Variants in ATP10B observed in about 807,000 individuals in gnomAD.
ATP10B encodes phospholipid-transporting ATPase VB.
In ATP10B, 122 loss-of-function variants were observed where a neutral mutation model predicts 141.2. The ratio of observed to expected loss-of-function variants is 0.86; its 90% CI spans 0.75 to 1.00. ATP10B has a LOEUF of 1.00. Among genes scored for constraint, ATP10B ranks in the 50% least tolerant of loss-of-function variants. The probability of loss-of-function intolerance (pLI) is 0.00; values close to 1 mark genes in which losing one functional copy is unlikely to be tolerated. For missense variants in ATP10B, 1,876 were observed against 1,825.3 expected, an observed-to-expected ratio of 1.03 and a Z score of -0.51; for synonymous variants, 685 against 692.0, an observed-to-expected ratio of 0.99 and a Z score of 0.16.
chr5:160,613,270 A>T (rs185356928), intron 17 of ATP10B, among the ~76,000 whole-genome samples: 198 of 152,338 alleles, frequency 1.3e-3, no homozygotes, highest in Admixed American at 1.8e-3. Flanking sequence ...GTGGCAGAGG[A>T]GGAAAATTCC....
At chr5:160,687,072 T>C in intron 5 of ATP10B, 1 of 441,938 alleles carries the variant, frequency 2.3e-6, no homozygotes, top group Non-Finnish European at 3.0e-6. Context: ...ACTCAGGTAA[T>C]GCAGTCTCTC....
intron 6 of ATP10B, among the ~76,000 whole-genome samples, chr5:160,683,779 TTTGTCCCTC>T (rs1763576559): frequency 1.3e-5 from 2 of 152,320 alleles, no homozygotes; most frequent in South Asian, 4.1e-4. Context: ...CTGAAGGTGC[TTTGTCCCTC>T]TAGTCTCTCT....
chr5:160,815,373 A>G (rs1029237959), intron 1 of ATP10B, among the ~76,000 whole-genome samples: 1 of 152,340 alleles, frequency 6.6e-6, no homozygotes, highest in Admixed American at 6.5e-5. Context: ...AAATGAACAA[A>G]GATCAAAAGA....
At chr5:160,603,511 C>T (rs1757215604) in intron 20 of ATP10B, 1 of 176,448 alleles carries the variant, frequency 5.7e-6, no homozygotes, top group South Asian at 1.4e-4. Flanking sequence ...AATTCTTCTT[C>T]CATTGTGGCC....
At chr5:160,886,503 A>G in the ATP10B span, among the ~76,000 whole-genome samples, 24 of 152,160 alleles carry the variant, frequency 1.6e-4, no homozygotes, top group Non-Finnish European at 3.1e-4. Context: ...TCAAGAAGTT[A>G]AAGCCCATCT....
At chr5:160,803,057 G>A (rs1280263181) in intron 1 of ATP10B, among the ~76,000 whole-genome samples, 4 of 152,140 alleles carry the variant, frequency 2.6e-5, no homozygotes, top group African/African-American at 7.2e-5. Flanking sequence ...GGCTTTCTCC[G>A]TGACATGCTC....
chr5:160,598,706 A>G, intron 22 of ATP10B, 64 bp downstream of exon 22: 8 of 1,477,878 alleles, frequency 5.4e-6, no homozygotes, highest in Non-Finnish European at 7.5e-6. Context: ...TGATGCCTCC[A>G]GAGGGGAGGT....
intron 1 of ATP10B, among the ~76,000 whole-genome samples, chr5:160,798,080 G>A (rs1231722449): frequency 2.0e-5 from 3 of 152,146 alleles, no homozygotes; most frequent in African/African-American, 7.2e-5. Context: ...CTTGAAGGGT[G>A]AGAAGGATCC....
rs114107641 is a variant in ATP10B, at chr5:160,849,743, G to A, written c.-576+2198C>T. Reference sequence around the variant, plus strand: ...ATATGCAAGTTTTATTCCAAAGCCCGTTTTTTTTCTACTAAACAATACCCA... The same window carrying A: ...ATATGCAAGTTTTATTCCAAAGCCCATTTTTTTTCTACTAAACAATACCCA... On this transcript the variant is annotated intron_variant, in intron 1 of 25. Transcript: ENST00000327245. 6.7e-3 allele frequency among the ~76,000 whole-genome samples: 1,017 copies of A among 151,654 alleles called. 7 individuals carry two copies. The highest frequency in any genetic ancestry group is 0.01 in the Non-Finnish European group (684 of 67,866).
chr5:160,704,961 C>T (rs1378568208), intron 3 of ATP10B, among the ~76,000 whole-genome samples: 2 of 105,830 alleles, frequency 1.9e-5, no homozygotes, highest in Non-Finnish European at 1.8e-5. Flanking sequence ...CTCTGTCACC[C>T]AGGTTGGAGT....
At chr5:160,673,996 G>A (rs1762881335) in intron 6 of ATP10B, among the ~76,000 whole-genome samples, 1 of 152,138 alleles carries the variant, frequency 6.6e-6, no homozygotes, top group African/African-American at 2.4e-5. Context: ...CACTCATTCT[G>A]TCTTGTCTTC....
At chr5:160,687,708 T>G in intron 5 of ATP10B, 92 bp downstream of exon 5, 1 of 1,411,064 alleles carries the variant, frequency 7.1e-7, no homozygotes, top group Non-Finnish European at 9.7e-7. Flanking sequence ...AAGGTTGCAG[T>G]GAGCCGAGAT....
At position 160,749,067 on chromosome 5, in the gene ATP10B, G is replaced by A. The variant is rs191037128; in HGVS notation, c.-330-32033C>T. Among the ~76,000 whole-genome samples, 216 of 152,276 alleles carry A rather than the reference G, an allele frequency of 1.4e-3. 1 individual carries two copies. Among genetic ancestry groups the A allele is most frequent in the African/African-American group, 5.0e-3 (209 of 41,540 alleles). ...CTAGTAAATGTCAGAGGTGCATTGA[G>A]GTAGCCTGAATCCAAATCCATGTTC... On this transcript the variant is annotated intron_variant, in intron 2 of 25. Coordinates refer to ENST00000327245, the MANE Select transcript of ATP10B (RefSeq NM_025153.3).
chr5:160,664,630 G>A (rs932306885), intron 7 of ATP10B, among the ~76,000 whole-genome samples: 1 of 152,138 alleles, frequency 6.6e-6, no homozygotes, highest in African/African-American at 2.4e-5. Context: ...GGTTCAGTCT[G>A]GGATGGGGCC....
intron 1 of ATP10B, among the ~76,000 whole-genome samples, chr5:160,809,619 A>G (rs1374561242): frequency 6.6e-6 from 1 of 152,196 alleles, no homozygotes; most frequent in Non-Finnish European, 1.5e-5. Context: ...TTACGGTGCT[A>G]TAGAATATTG....
chr5:160,705,990 T>A (rs1764989286), intron 3 of ATP10B, among the ~76,000 whole-genome samples: 1 of 152,200 alleles, frequency 6.6e-6, no homozygotes, highest in Admixed American at 6.5e-5. Flanking sequence ...TGTTTCTGTG[T>A]CTCAGGGAAT....
the ATP10B span, among the ~76,000 whole-genome samples, chr5:160,864,738 A>G: frequency 1.3e-5 from 2 of 152,230 alleles, no homozygotes; most frequent in Middle Eastern, 3.4e-3. Flanking sequence ...AGGATACAAA[A>G]TCAGTTTACA....
chr5:160,679,765 G>A (rs1763262479), intron 6 of ATP10B, among the ~76,000 whole-genome samples: 1 of 152,200 alleles, frequency 6.6e-6, no homozygotes, highest in African/African-American at 2.4e-5. Flanking sequence ...TGAAACTGTG[G>A]AGGGCTTAGG....
intron 1 of ATP10B, among the ~76,000 whole-genome samples, chr5:160,817,318 T>C (rs1307385047): frequency 6.6e-6 from 1 of 152,170 alleles, no homozygotes. Context: ...GGATACAAAA[T>C]TGATGAGCAA....
Sources: allele counts gnomAD v4.1 joint callset (sites outside exome capture counted in the v4.1 genomes callset), GRCh38; gene constraint gnomAD v4.1.1; transcripts MANE v1.5; gene names NCBI Gene and HGNC (gene_info 2026-07-23, HGNC 2026-07-21).